The following FLACC1 variants were observed in gnomAD, a reference collection of about 807,000 sequenced individuals.
The protein encoded by FLACC1 is flagellum-associated coiled-coil domain-containing protein 1.
A neutral mutation model predicts 62.8 loss-of-function variants in FLACC1; 66 were observed. That is an observed-to-expected ratio of 1.05 (90% confidence interval 0.86 to 1.29). FLACC1 has a LOEUF of 1.29. Ranked by LOEUF, FLACC1 falls within the 50% of genes most tolerant of loss-of-function variation. FLACC1 has a pLI of 0.00. For missense variants in FLACC1, 452 were observed against 489.1 expected, an observed-to-expected ratio of 0.92 and a Z score of 0.71; for synonymous variants, 156 against 161.0, an observed-to-expected ratio of 0.97 and a Z score of 0.24.
At chr2:201,319,717 CAAAAG>C (rs1285074954) in intron 9 of FLACC1, among the ~76,000 whole-genome samples, 1 of 152,212 alleles carries the variant, frequency 6.6e-6, no homozygotes, top group Non-Finnish European at 1.5e-5. Context: ...AGACACTTCT[CAAAAG>C]AAGACAGAAG....
chr2:201,360,205 G>C (rs1329149368), upstream of FLACC1, among the ~76,000 whole-genome samples: 1 of 152,206 alleles, frequency 6.6e-6, no homozygotes, highest in African/African-American at 2.4e-5. Flanking sequence ...TGAAATTGGG[G>C]AAGTGCTGGC....
chr2:201,361,054 G>C (rs73049509), upstream of FLACC1, among the ~76,000 whole-genome samples: 1 of 152,118 alleles, frequency 6.6e-6, no homozygotes, highest in Non-Finnish European at 1.5e-5. Context: ...TTCAAGCCTG[G>C]ATGATAGAGC....
Position 201,326,015 on chromosome 2 carries a change from A to C in FLACC1, c.675+4455T>G, listed in dbSNP as rs1188966709. On this transcript the variant is annotated intron_variant, in intron 9 of 14. Coordinates refer to ENST00000392257, the MANE Select transcript of FLACC1 (RefSeq NM_001127391.3). This position sits in a 1 kb window ranked among gnomAD's most constrained non-coding sequence, Gnocchi z 4.1. ...CAGGGAGGCAGGGATGGTTTAACAC[A>C]CACAAGTCAATAAATGTGATACATC... Among the ~76,000 whole-genome samples, 2 of 152,212 alleles carry C rather than the reference A, an allele frequency of 1.3e-5. No homozygotes were observed. Among genetic ancestry groups the C allele is most frequent in the Non-Finnish European group, 2.9e-5 (2 of 68,030 alleles).
At chr2:201,308,975 C>CT (rs1192910934) in intron 10 of FLACC1, among the ~76,000 whole-genome samples, 176 bp downstream of exon 10, 1 of 152,184 alleles carries the variant, frequency 6.6e-6, no homozygotes, top group East Asian at 1.9e-4. Flanking sequence ...AAAAAAGACC[C>CT]TACCCTTGTT....
At chr2:201,334,333 G>A (rs1487756800) in intron 7 of FLACC1, among the ~76,000 whole-genome samples, 3 of 152,144 alleles carry the variant, frequency 2.0e-5, no homozygotes, top group Non-Finnish European at 2.9e-5. Flanking sequence ...ACTGGATCAT[G>A]GTGGATGATC....
chr2:201,355,680 C>T (rs1193827724), intron 1 of FLACC1, among the ~76,000 whole-genome samples: 3 of 151,766 alleles, frequency 2.0e-5, no homozygotes, highest in Non-Finnish European at 2.9e-5. Context: ...GGAAACATAT[C>T]GAGACTCTGT....
At chr2:201,358,696 C>T (rs1390019568), upstream of FLACC1, among the ~76,000 whole-genome samples, 8 of 152,124 alleles carry the variant, frequency 5.3e-5, no homozygotes, top group African/African-American at 1.2e-4. Context: ...GGATTACAGG[C>T]GTGAGCCACT....
rs770712126 is a variant in FLACC1 at position 201,330,727 on chromosome 2, C to T, written c.622+9G>A. On this transcript the variant is annotated intron_variant, in intron 8 of 14. Coordinates refer to ENST00000392257, the MANE Select transcript of FLACC1 (RefSeq NM_001127391.3). ...CATCCAGGGTCATTCTCCCAGGTCC[C>T]AGCAGTACCTAGCTTCTCTTGGGCA... 4 of 1,613,238 alleles carry T rather than the reference C, an allele frequency of 2.5e-6. No homozygotes were observed. The highest frequency in any genetic ancestry group is 3.4e-6 in the Non-Finnish European group (4 of 1,179,600).
At chr2:201,341,953 G>A (rs937570595) in intron 7 of FLACC1, among the ~76,000 whole-genome samples, 3 of 152,076 alleles carry the variant, frequency 2.0e-5, no homozygotes, top group African/African-American at 7.2e-5. Flanking sequence ...CTGAGGCCCT[G>A]ACCTAGCAGC....
At chr2:201,335,741 T>TAAATCTGTGTAATGCTTTGGGCAGCATG (rs1950682435) in intron 7 of FLACC1, among the ~76,000 whole-genome samples, 1 of 152,194 alleles carries the variant, frequency 6.6e-6, no homozygotes, top group African/African-American at 2.4e-5. Flanking sequence ...GGGATTGCAT[T>TAAATCTGTGTAATGCTTTGGGCAGCATG]AAATCTGTGT....
chr2:201,316,499 T>A (rs1950309880), intron 9 of FLACC1, among the ~76,000 whole-genome samples: 1 of 152,032 alleles, frequency 6.6e-6, no homozygotes, highest in Non-Finnish European at 1.5e-5. Flanking sequence ...CCCTCCTAGC[T>A]TAAATCAGGA....
intron 1 of FLACC1, 67 bp from the exon 2 acceptor site, chr2:201,351,518 G>T: frequency 1.3e-6 from 1 of 774,060 alleles, no homozygotes; most frequent in African/African-American, 1.7e-5. Context: ...CAGAAGAATT[G>T]GGAAGAACCC....
At chr2:201,316,453 C>T (rs1950309103) in intron 9 of FLACC1, among the ~76,000 whole-genome samples, 1 of 151,930 alleles carries the variant, frequency 6.6e-6, no homozygotes, top group Non-Finnish European at 1.5e-5. Context: ...AACTAGAAAA[C>T]CTAGAGGAGA....
chr2:201,336,861 C>A (rs1054732443), intron 7 of FLACC1, among the ~76,000 whole-genome samples: 3 of 151,992 alleles, frequency 2.0e-5, no homozygotes, highest in African/African-American at 7.3e-5. Flanking sequence ...AAGATGATAT[C>A]TTATTGTGTT....
In FLACC1 at chr2:201,352,788, A is replaced by G. The variant is rs10184155; in HGVS notation, c.-47-1337T>C. The stretch of plus-strand genomic sequence containing the variant: ...GGAAAGTGTGACTATGTTACCTTAC[A>G]TGGCAAAAGCAGCTGTGATTAAATG... On this transcript the variant is annotated intron_variant, in intron 1 of 14. Coordinates refer to ENST00000392257, the MANE Select transcript of FLACC1 (RefSeq NM_001127391.3). 2.7e-3 allele frequency among the ~76,000 whole-genome samples: 416 copies of G among 152,348 alleles called. 2 individuals are homozygous for G. The highest frequency in any genetic ancestry group is 9.5e-3 in the African/African-American group (395 of 41,588).
At chr2:201,293,040 CAA>C in intron 12 of FLACC1, among the ~76,000 whole-genome samples, 1 of 152,232 alleles carries the variant, frequency 6.6e-6, no homozygotes, top group South Asian at 2.1e-4. Context: ...TAGAGACCTA[CAA>C]AAAGACTTAG....
chr2:201,350,639 C>T, intron 3 of FLACC1, 72 bp downstream of exon 3: 1 of 1,361,270 alleles, frequency 7.3e-7, no homozygotes, highest in Admixed American at 1.9e-5. Flanking sequence ...CAAGGTTACA[C>T]CACTGCACTC....
At chr2:201,328,347 T>A (rs907254573) in intron 9 of FLACC1, among the ~76,000 whole-genome samples, 4 of 152,248 alleles carry the variant, frequency 2.6e-5, no homozygotes, top group Middle Eastern at 3.4e-3. Flanking sequence ...GTAAAAAAGT[T>A]GGAACAATTT....
At chr2:201,327,172 T>A (rs1256026321) in intron 9 of FLACC1, among the ~76,000 whole-genome samples, 4 of 152,000 alleles carry the variant, frequency 2.6e-5, no homozygotes, top group Non-Finnish European at 5.9e-5. Context: ...AAAAATCAAC[T>A]CAAGATGGAT....
Sources: allele counts gnomAD v4.1 joint callset (sites outside exome capture counted in the v4.1 genomes callset), GRCh38; gene constraint gnomAD v4.1.1; non-coding constraint Gnocchi (gnomAD v3.1); transcripts MANE v1.5; gene names NCBI Gene and HGNC (gene_info 2026-07-23, HGNC 2026-07-21).